POTEC: variants seen among roughly 807,000 people sequenced by gnomAD.
POTEC encodes ANKRD26-like family B member 2.
In POTEC, 35 loss-of-function variants were observed where a neutral mutation model predicts 62.0. That is an observed-to-expected ratio of 0.56 (90% CI 0.43 to 0.75). The LOEUF (loss-of-function observed/expected upper bound fraction) is 0.75. Among genes scored for constraint, POTEC ranks in the 30% least tolerant of loss-of-function variants. The probability of loss-of-function intolerance (pLI) is 0.00; values close to 1 mark genes in which losing one functional copy is unlikely to be tolerated. For missense variants in POTEC, 472 were observed against 655.9 expected (o/e 0.72, Z 3.06); for synonymous variants, 156 against 221.5 (o/e 0.70, Z 2.62).
intron 10 of POTEC, among the ~76,000 whole-genome samples, chr18:14,513,325 T>G (rs983422294): frequency 6.6e-6 from 1 of 152,224 alleles, no homozygotes; most frequent in Admixed American, 6.5e-5. Flanking sequence ...CTAGCAAATC[T>G]GTTGTTAGTA....
intron 9 of POTEC, among the ~76,000 whole-genome samples, chr18:14,517,842 T>C (rs1430568196): frequency 6.6e-6 from 1 of 152,152 alleles, no homozygotes; most frequent in African/African-American, 2.4e-5. Flanking sequence ...GCCTGGGGGA[T>C]ACAGCGAGAC....
In POTEC at chr18:14,515,006, G is replaced by T. The variant is rs1449190807; in HGVS notation, c.1410-1221C>A. On this transcript the variant is annotated intron_variant, in intron 9 of 10. Transcript: ENST00000358970. ...GGAATATACTTAATGAAGGAGGTGA[G>T]TCATCTATCAAAGGATAACTGGAAA... Among the ~76,000 whole-genome samples, 46 of 152,288 alleles carry T rather than the reference G, an allele frequency of 3.0e-4. 1 individual carries two copies. The Middle Eastern group carries it at 0.01, about 34-fold the overall frequency.
intron 9 of POTEC, among the ~76,000 whole-genome samples, chr18:14,519,147 C>G (rs950393156): frequency 4.7e-5 from 7 of 149,898 alleles, no homozygotes; most frequent in Non-Finnish European, 1.0e-4. Flanking sequence ...TGTGAGGTGT[C>G]AGAGAGAGAG....
chr18:14,521,189 A>G (rs577040209), intron 9 of POTEC, among the ~76,000 whole-genome samples: 1 of 152,282 alleles, frequency 6.6e-6, no homozygotes, highest in African/African-American at 2.4e-5. Flanking sequence ...TTCGGCACTC[A>G]GGCACTGACA....
rs1030320922 is a variant in POTEC at position 14,537,741 on chromosome 18, A to C, written c.810+60T>G. 7 of 1,590,108 alleles carry C rather than the reference A, an allele frequency of 4.4e-6. No individual in the cohort carries two copies. In the African/African-American group the frequency reaches 9.4e-5, roughly 21 times the overall value. On this transcript the variant is annotated intron_variant, in intron 3 of 10. Coordinates refer to ENST00000358970, the MANE Select transcript of POTEC (RefSeq NM_001137671.2). The stretch of plus-strand genomic sequence containing the variant: ...AAATACGGAAAACTGGCCCTTACAC[A>C]GGTCAATGTTAACACGAATGCATTT...
rs1910326551 is a variant in POTEC, at chr18:14,522,105, T to C, written c.1409+149A>G. ...AATGACTGGAAAAAACAGTAACTCA[T>C]TGTTTACTGATTTTCATTTTTCTGA... On this transcript the variant is annotated intron_variant, in intron 9 of 10. Coordinates refer to ENST00000358970, the MANE Select transcript of POTEC (RefSeq NM_001137671.2). The C allele has an allele frequency of 1.7e-5, 24 of 1,386,062 alleles. 1 individual carries two copies. Among genetic ancestry groups the C allele is most frequent in the South Asian group, 1.1e-4 (7 of 62,546 alleles). The allele number at this position is 1,386,062 out of a possible 1,614,324, so 85.9% of individuals were successfully genotyped here.
chr18:14,521,606 A>G (rs1910310322), intron 9 of POTEC, among the ~76,000 whole-genome samples: 1 of 152,190 alleles, frequency 6.6e-6, no homozygotes. Context: ...ACTATGTTAT[A>G]TATATGTGTG....
In POTEC at chr18:14,543,217, G is replaced by C; in HGVS notation, c.-71C>G. The stretch of plus-strand genomic sequence containing the variant: ...GTCTACCAACCAGTTTCACCAACTA[G>C]CAGGAAACCCTGGGTTTCCAATCTG... On this transcript the variant is annotated 5_prime_UTR_variant, in exon 1 of 11. Transcript: ENST00000358970. 1 of 1,596,800 alleles carries C rather than the reference G, an allele frequency of 6.3e-7. No homozygotes were observed. Among genetic ancestry groups the C allele is most frequent in the Non-Finnish European group, 8.6e-7 (1 of 1,169,086 alleles).
rs1909873966 is a variant in POTEC, at chr18:14,507,432, T to G, written c.*4466A>C. Reference sequence around the variant, plus strand: ...TTTTCTGTTTTCCATTTCCTTGAAATATTTTTCTCCATTCCTTTATTTTGA... The same window carrying G: ...TTTTCTGTTTTCCATTTCCTTGAAAGATTTTTCTCCATTCCTTTATTTTGA... On this transcript the variant is annotated 3_prime_UTR_variant, in exon 11 of 11. Coordinates refer to ENST00000358970, the MANE Select transcript of POTEC (RefSeq NM_001137671.2). 1 of 151,802 alleles carries G rather than the reference T, an allele frequency of 6.6e-6. No homozygotes were observed. 9.4% of individuals were successfully genotyped at this position (151,802 alleles called of 1,614,324 possible).
intron 6 of POTEC, chr18:14,529,137 T>A (rs951336192): frequency 2.6e-6 from 1 of 377,878 alleles, no homozygotes; most frequent in Non-Finnish European, 5.1e-6. Context: ...GTCTGGCACA[T>A]AATTAATATA....
chr18:14,529,119 T>C, intron 6 of POTEC: 1 of 420,860 alleles, frequency 2.4e-6, no homozygotes, highest in Non-Finnish European at 4.7e-6. Flanking sequence ...TCATTCCTCA[T>C]CACATATGTC....
chr18:14,521,081 T>C lies in POTEC; in HGVS notation c.1409+1173A>G, dbSNP rs554988901. 4.2e-4 allele frequency among the ~76,000 whole-genome samples: 64 copies of C among 152,292 alleles called. No homozygotes were observed. In the East Asian group the frequency reaches 9.4e-3, roughly 22 times the overall value. On this transcript the variant is annotated intron_variant, in intron 9 of 10. Transcript: ENST00000358970. ...AGCAGATGAAAGATACTTTGATATA[T>C]TTTAATAAAAGTTTCACCCAATATA...
Position 14,511,978 on chromosome 18 carries a change from T to C in POTEC, c.1549A>G (p.Lys517Glu). 2.5e-6 allele frequency: 4 copies of C among 1,613,370 alleles called. No individual in the cohort carries two copies. The highest frequency in any genetic ancestry group is 3.4e-6 in the Non-Finnish European group (4 of 1,179,598). Residue 517 changes from lysine (K) to glutamate (E), a missense_variant, in exon 11 of 11, where the codon AAG becomes GAG. By Grantham distance (56) the Lys-to-Glu change is moderately conservative (BLOSUM62 1). Around this residue, in one of 5 missense-constraint regions of POTEC, gnomAD observed 67 missense variants for 58.3 expected, o/e 1.15. Coordinates refer to ENST00000358970, the MANE Select transcript of POTEC (RefSeq NM_001137671.2). ...TCACGCAAGAGATCTTCTTCTTTCT[T>C]ATGACTAAGAGAAAGCTAAGTAAAC... ...KMNSELSLSH[K>E]KEEDLLRENS... is the part of the protein sequence containing the mutation.
intron 6 of POTEC, among the ~76,000 whole-genome samples, chr18:14,525,666 C>T (rs577783057): frequency 1.3e-5 from 2 of 151,796 alleles, no homozygotes; most frequent in South Asian, 4.2e-4. Flanking sequence ...ATAAGCCAAG[C>T]CCTGTCTTTG....
In POTEC at chr18:14,540,931, C is replaced by G. The variant is rs376866024; in HGVS notation, c.521+1695G>C. ...TTTGAGATGGAGTCTCACTCCATCA[C>G]CCAGGCTGGAGTGTAGTGGTGCAAT... On this transcript the variant is annotated intron_variant, in intron 1 of 10. Transcript: ENST00000358970. Among the ~76,000 whole-genome samples, 911 of 151,932 alleles carry G rather than the reference C, an allele frequency of 6.0e-3. 18 individuals are homozygous for G. Among genetic ancestry groups the G allele is most frequent in the South Asian group, 0.058 (279 of 4,814 alleles).
Position 14,542,738 on chromosome 18 carries a change from G to A in POTEC, c.409C>T (p.Arg137Ter), listed in dbSNP as rs1192374736. The A allele has an allele frequency of 3.7e-6, 6 of 1,613,340 alleles. No homozygotes were observed. Among genetic ancestry groups the A allele is most frequent in the Non-Finnish European group, 4.2e-6 (5 of 1,179,870 alleles). Reference protein sequence around the residue: ...AFMEPRYHVRREDLDKLHRAA... With the variant: ...AFMEPRYHVR Reference sequence around the variant, plus strand: ...CTGTGGAGCTTGTCCAGATCTTCTCGACGGACGTGGTACCTCGGCTCCATG... The same window carrying A: ...CTGTGGAGCTTGTCCAGATCTTCTCAACGGACGTGGTACCTCGGCTCCATG... The change falls in exon 1 of 11, where the codon CGA becomes TGA. Residue 137 changes from arginine (R) to a stop codon, truncating the protein, a stop_gained. Coordinates refer to ENST00000358970, the MANE Select transcript of POTEC (RefSeq NM_001137671.2). LOFTEE classifies it high-confidence loss of function.
At chr18:14,533,965 G>A (rs1012168550) in intron 4 of POTEC, among the ~76,000 whole-genome samples, 10 of 145,084 alleles carry the variant, frequency 6.9e-5, no homozygotes, top group African/African-American at 2.3e-4. Context: ...GGGTACATGT[G>A]CACATTGTGC....
intron 10 of POTEC, 112 bp from the exon 11 acceptor site, chr18:14,512,105 T>C: frequency 1.2e-6 from 1 of 867,868 alleles, no homozygotes; most frequent in Middle Eastern, 3.8e-4. Flanking sequence ...ATTCCCATAG[T>C]GGATATTTAA....
intron 3 of POTEC, among the ~76,000 whole-genome samples, chr18:14,535,812 C>T (rs1905693360): frequency 6.6e-6 from 1 of 151,710 alleles, no homozygotes; most frequent in African/African-American, 2.4e-5. Flanking sequence ...GACACAAAGT[C>T]CTGAGAGAGC....
Sources: gnomAD v4.1 joint callset for allele counts (sites outside exome capture counted in the v4.1 genomes callset) on GRCh38, gnomAD v4.1.1 for gene constraint, gnomAD v4.1.1 regional missense constraint, MANE v1.5 for transcripts, NCBI Gene and HGNC (gene_info 2026-07-23, HGNC 2026-07-21) for gene names.